TSC2: variants seen among roughly 807,000 people sequenced by gnomAD.
TSC2 encodes tuberin.
Under a neutral mutation model 202.2 loss-of-function variants are expected in TSC2, and 29 were observed. The ratio of observed to expected loss-of-function variants is 0.14; its 90% confidence interval spans 0.11 to 0.20. The LOEUF (loss-of-function observed/expected upper bound fraction) is 0.20, where lower values mean the gene tolerates loss of function less well. Ranked by LOEUF, TSC2 falls within the 10% of genes least tolerant of loss-of-function variation. TSC2 has a pLI of 1.00. For missense variants in TSC2, 2,429 were observed against 2,420.0 expected, an observed-to-expected ratio of 1.00 and a Z score of -0.08; for synonymous variants, 1,349 against 1,044.0, an observed-to-expected ratio of 1.29 and a Z score of -5.63.
At chr16:2,086,485 T>TGCTCCA in intron 37 of TSC2, 106 bp downstream of exon 37, 1 of 1,491,108 alleles carries the variant, frequency 6.7e-7, no homozygotes, top group Non-Finnish European at 9.1e-7. Context: ...CACCCCCACC[T>TGCTCCA]GCTCCAGCTC....
chr16:2,053,222 G>A, intron 3 of TSC2, 120 bp from the exon 4 acceptor site: 1 of 970,592 alleles, frequency 1.0e-6, no homozygotes. Context: ...TGGAGGTGGG[G>A]CTCTCAGTCA....
At chr16:2,061,408 T>C in intron 11 of TSC2, 1 of 313,438 alleles carries the variant, frequency 3.2e-6, no homozygotes, top group Non-Finnish European at 6.3e-6. Flanking sequence ...GCCAGAGCAT[T>C]GCCCCCGACC....
chr16:2,072,962 C>G lies in TSC2; in HGVS notation c.2334C>G (p.Asn778Lys), dbSNP rs1320712673. The change falls in exon 21 of 42, where the codon AAC becomes AAG. Residue 778 changes from asparagine (N) to lysine (K), a missense_variant. Asn to Lys is a moderately conservative substitution (Grantham distance 94). Transcript: ENST00000219476. ...PVLTALISYH[N>K]YLDKTKQREM... The stretch of plus-strand genomic sequence containing the variant: ...TGACAGCATTAATCTCTTACCATAA[C>G]TACCTGGACAAAACCAAACAGGTAG... 3 of 1,613,592 alleles carry G rather than the reference C, an allele frequency of 1.9e-6. No individual in the cohort carries two copies. Among genetic ancestry groups the G allele is most frequent in the Middle Eastern group, 3.3e-4 (2 of 6,062 alleles).
At position 2,080,170 on chromosome 16, in the gene TSC2, C is replaced by T. The variant is rs2151455693; in HGVS notation, c.3403C>T (p.His1135Tyr). 6.2e-7 allele frequency: 1 copy of T among 1,612,936 alleles called. No homozygotes were observed. Among genetic ancestry groups the T allele is most frequent in the Non-Finnish European group, 8.5e-7 (1 of 1,179,982 alleles). The change falls in exon 30 of 42, where the codon CAT becomes TAT. Residue 1135 changes from histidine (H) to tyrosine (Y), a missense_variant. Transcript: ENST00000219476. ...TCCTCTGCCCTCTTCTTCAGGGGGCCATGGTCTTCGAGTTGGCGCCCTGGA... is the reference window on the plus strand; with the variant it reads ...TCCTCTGCCCTCTTCTTCAGGGGGCTATGGTCTTCGAGTTGGCGCCCTGGA... ...RDRVRSMSGG[H>Y]GLRVGALDVP...
intron 29 of TSC2, 99 bp from the exon 30 acceptor site, chr16:2,080,066 T>A (rs2089935049): frequency 1.3e-6 from 2 of 1,511,554 alleles, no homozygotes; most frequent in Non-Finnish European, 1.8e-6. Flanking sequence ...TGGCTGCCTG[T>A]GGCACTAGCT....
rs1199855368 is a variant in TSC2, at chr16:2,053,459, C to G, written c.336+7C>G. The G allele has an allele frequency of 6.4e-7, 1 of 1,560,228 alleles. No homozygotes were observed. The highest frequency in any genetic ancestry group is 1.2e-5 in the South Asian group (1 of 84,638). On this transcript the variant is annotated splice_region_variant and intron_variant, in intron 4 of 41. Transcript: ENST00000219476. ...GGCCATCGTGCAGGGGCAGGTAAGGCCCAGGGCGACGCTGGGATGGGTGAC... is the reference window on the plus strand; with the variant it reads ...GGCCATCGTGCAGGGGCAGGTAAGGGCCAGGGCGACGCTGGGATGGGTGAC...
intron 13 of TSC2, 69 bp downstream of exon 13, chr16:2,062,669 GGCTGGGTCTCAGGATGCCCGATGA>G: frequency 6.6e-7 from 1 of 1,507,544 alleles, no homozygotes; most frequent in East Asian, 2.4e-5. Flanking sequence ...GGCCCACCCG[GGCTGGGTCTCAGGATGCCCGATGA>G]GCAGGGCCCT....
Position 2,064,298 on chromosome 16 carries a change from C to A in TSC2, c.1470C>A (p.Ile490=), listed in dbSNP as rs753344988. 3.7e-6 allele frequency: 6 copies of A among 1,613,888 alleles called. No individual in the cohort carries two copies. The South Asian group carries it at 6.6e-5, about 18-fold the overall frequency. Residue 490 remains isoleucine, a synonymous_variant, in exon 15 of 42, where the codon ATC becomes ATA. Coordinates refer to ENST00000219476, the MANE Select transcript of TSC2 (RefSeq NM_000548.5). ...YEEELINSVV[I]SQLSHIPEDK... Reference sequence around the variant, plus strand: ...AGGAGCTGATTAACTCAGTGGTCATCTCGCAGCTCTCCCACATCCCCGAGG... The same window carrying A: ...AGGAGCTGATTAACTCAGTGGTCATATCGCAGCTCTCCCACATCCCCGAGG...
Position 2,086,773 on chromosome 16 carries a change from G to A in TSC2, c.4891G>A (p.Asp1631Asn), listed in dbSNP as rs2090855331. ...CACCCTGATGCCCACCAAGGACGTG[G>A]ACAAGCACCGCTGCGACAAGAAGCG... ...IATLMPTKDV[D>N]KHRCDKKRHL... is the part of the protein sequence containing the mutation. Residue 1631 changes from aspartate (D) to asparagine (N), a missense_variant, in exon 38 of 42, where the codon GAC (aspartate) becomes AAC (asparagine). Physicochemically the swap from Asp to Asn is conservative, Grantham distance 23. Transcript: ENST00000219476. The A allele has an allele frequency of 6.2e-7, 1 of 1,611,334 alleles. No individual in the cohort carries two copies. Among genetic ancestry groups the A allele is most frequent in the Non-Finnish European group, 8.5e-7 (1 of 1,179,958 alleles).
At chr16:2,061,168 A>G (rs967804009) in intron 11 of TSC2, 14 of 377,364 alleles carry the variant, frequency 3.7e-5, no homozygotes, top group Middle Eastern at 8.8e-4. Flanking sequence ...ACTTTGGAGG[A>G]CCGCATTAGT....
Position 2,058,724 on chromosome 16 carries a change from G to A in TSC2, c.849-23G>A, listed in dbSNP as rs759602607. ...TGGGACAGGGCCCTGCTCACATTCC[G>A]TCTCTCTGGGGAACACTTTTAGAGC... is the stretch of plus-strand genomic sequence containing the variant. On this transcript the variant is annotated intron_variant, in intron 9 of 41. Transcript: ENST00000219476. 36 of 1,567,708 alleles carry A rather than the reference G, an allele frequency of 2.3e-5. No homozygotes were observed. In the East Asian group the frequency reaches 3.0e-4, roughly 13 times the overall value.
chr16:2,074,986 CG>C (rs1259356671), intron 22 of TSC2: 4 of 161,902 alleles, frequency 2.5e-5, no homozygotes, highest in Non-Finnish European at 5.5e-5. Flanking sequence ...GAGGCCGAGG[CG>C]GGTGGATCAC....
intron 37 of TSC2, 53 bp downstream of exon 37, chr16:2,086,432 C>T (rs2090801823): frequency 1.3e-6 from 2 of 1,587,028 alleles, no homozygotes; most frequent in Non-Finnish European, 1.7e-6. Flanking sequence ...GGGCACGGCT[C>T]CCATCCAGTC....
In TSC2 at chr16:2,048,031, T is replaced by C; in HGVS notation, c.-64T>C. The C allele has an allele frequency of 6.9e-7, 1 of 1,440,394 alleles. No homozygotes were observed. The highest frequency in any genetic ancestry group is 9.1e-7 in the Non-Finnish European group (1 of 1,103,112). 89.2% of individuals were successfully genotyped at this position (1,440,394 alleles called of 1,614,324 possible). On this transcript the variant is annotated 5_prime_UTR_variant, in exon 1 of 42. Transcript: ENST00000219476. ...CCAGGGGGGTGCGCCTTTCTCCGCG[T>C]CGGGGCGGCCCGGAGCGCGGTGGCG...
intron 38 of TSC2, 70 bp from the exon 39 acceptor site, chr16:2,087,793 C>T (rs1596453640): frequency 6.4e-7 from 1 of 1,564,750 alleles, no homozygotes; most frequent in East Asian, 2.3e-5. Context: ...GCAGTGCAAC[C>T]AGGCAGTAGC....
chr16:2,057,576 C>A (rs1414997429), intron 9 of TSC2, among the ~76,000 whole-genome samples: 1 of 152,144 alleles, frequency 6.6e-6, no homozygotes, highest in African/African-American at 2.4e-5. Flanking sequence ...CCCTGGCCTC[C>A]CACCCATGCT....
In TSC2 at chr16:2,057,238, C is replaced by T. The variant is rs1003915893; in HGVS notation, c.848+60C>T. ...GCCAGCACAGCCCTCGGGGCAGCTC[C>T]AGTGTCCCTTGCCAAGCACACACTG... On this transcript the variant is annotated intron_variant, in intron 9 of 41. Coordinates refer to ENST00000219476, the MANE Select transcript of TSC2 (RefSeq NM_000548.5). 28 of 1,542,070 alleles carry T rather than the reference C, an allele frequency of 1.8e-5. No individual in the cohort carries two copies. In the African/African-American group the frequency reaches 3.6e-4, roughly 20 times the overall value.
At position 2,086,867 on chromosome 16, in the gene TSC2, T is replaced by C. The variant is rs2151589598; in HGVS notation, c.4985T>C (p.Ile1662Thr). The C allele has an allele frequency of 6.3e-7, 1 of 1,587,468 alleles. No individual in the cohort carries two copies. Among genetic ancestry groups the C allele is most frequent in the Non-Finnish European group, 8.6e-7 (1 of 1,168,086 alleles). Residue 1662 changes from isoleucine to threonine, a missense_variant, in exon 38 of 42, where the codon ATC (isoleucine) becomes ACC (threonine). Transcript: ENST00000219476. ...GGTGAGGACTTCAAGCTTGGCACCA[T>C]CAAGGTGAGTGAGGGGCCGTCAGTG... ...DSGEDFKLGT[I>T]KGQFNFVHVI...
chr16:2,054,239 G>A, intron 4 of TSC2, 57 bp from the exon 5 acceptor site: 1 of 1,613,206 alleles, frequency 6.2e-7, no homozygotes. Flanking sequence ...GGGACTTCTT[G>A]GCAGCCGTGT....
Sources: gnomAD v4.1 joint callset for allele counts (sites outside exome capture counted in the v4.1 genomes callset) on GRCh38, gnomAD v4.1.1 for gene constraint, MANE v1.5 for transcripts, NCBI Gene and HGNC (gene_info 2026-07-23, HGNC 2026-07-21) for gene names.